PKD2: variants seen among roughly 807,000 people sequenced by gnomAD.
The protein encoded by PKD2 is polycystin-2.
In PKD2, 48 loss-of-function variants were observed where a neutral mutation model predicts 105.9. That is an observed-to-expected ratio of 0.45 (90% CI 0.36 to 0.58). PKD2 has a LOEUF of 0.58. Among genes scored for constraint, PKD2 ranks in the 20% least tolerant of loss-of-function variants. The pLI is 0.00. For synonymous variants in PKD2, 464 were observed against 481.1 expected (o/e 0.96, Z 0.46); for missense variants, 1,078 against 1,255.3 (o/e 0.86, Z 2.13).
chr4:88,070,592 A>T (rs1194672132), intron 13 of PKD2, among the ~76,000 whole-genome samples: 1 of 108,762 alleles, frequency 9.2e-6, no homozygotes, highest in Admixed American at 1.1e-4. Context: ...ATATATATAT[A>T]TATATATATA....
At chr4:88,071,642 C>G (rs996309204) in intron 13 of PKD2, among the ~76,000 whole-genome samples, 3 of 151,982 alleles carry the variant, frequency 2.0e-5, no homozygotes, top group Non-Finnish European at 2.9e-5. Context: ...CCCTTTCCTC[C>G]CCAGGACTTG....
intron 2 of PKD2, among the ~76,000 whole-genome samples, chr4:88,025,950 T>G (rs1726944830): frequency 1.3e-5 from 2 of 152,264 alleles, no homozygotes; most frequent in Admixed American, 1.3e-4. Context: ...CCCAGCCATT[T>G]GGAACTGTAA....
intron 13 of PKD2, among the ~76,000 whole-genome samples, chr4:88,073,861 AAG>A (rs775312119): frequency 4.6e-5 from 7 of 152,190 alleles, no homozygotes; most frequent in Non-Finnish European, 5.9e-5. Context: ...TATTTCACTA[AAG>A]AGAGAGTCTA....
At position 88,008,056 on chromosome 4, in the gene PKD2, G is replaced by T; in HGVS notation, c.323G>T (p.Gly108Val). ...GAGGAGGAGGTGGAAGGGGAAGAAG[G>T]CGGAATGGTGGTGGAGATGGACGTA... ...EEEEEVEGEEGGMVVEMDVEW... is the reference protein window; with the variant it reads ...EEEEEVEGEEVGMVVEMDVEW... Residue 108 changes from glycine to valine, a missense_variant, in exon 1 of 15, where the codon GGC (glycine) becomes GTC (valine). By Grantham distance (109) the Gly-to-Val change is moderately radical. Transcript: ENST00000237596. 1 of 1,521,846 alleles carries T rather than the reference G, an allele frequency of 6.6e-7. No individual in the cohort carries two copies. Among genetic ancestry groups the T allele is most frequent in the Non-Finnish European group, 8.8e-7 (1 of 1,139,722 alleles). 94.3% of individuals were successfully genotyped at this position (1,521,846 alleles called of 1,614,324 possible).
chr4:88,030,307 T>G (rs570748745), intron 2 of PKD2, among the ~76,000 whole-genome samples: 45 of 152,168 alleles, frequency 3.0e-4, no homozygotes, highest in African/African-American at 1.1e-3. Context: ...ACCCAGCTAA[T>G]TTTATTTGTT....
At chr4:88,045,692 G>A (rs1346840511) in intron 5 of PKD2, among the ~76,000 whole-genome samples, 1 of 152,102 alleles carries the variant, frequency 6.6e-6, no homozygotes, top group African/African-American at 2.4e-5. Context: ...GTCCAGTTAT[G>A]GTAAAGCAGT....
At chr4:88,057,048 G>T (rs1374393809) in intron 8 of PKD2, among the ~76,000 whole-genome samples, 2 of 151,904 alleles carry the variant, frequency 1.3e-5, no homozygotes, top group Non-Finnish European at 2.9e-5. Flanking sequence ...GGAGTGCAGT[G>T]GTGCAATCAT....
rs762904786 is a variant in PKD2 at position 88,067,977 on chromosome 4, A to T, written c.2438A>T (p.Glu813Val). 8 of 1,614,006 alleles carry T rather than the reference A, an allele frequency of 5.0e-6. No individual in the cohort carries two copies. ...TTCCCTCGAAGCCTGGATGACTCTG[A>T]GGAGGATGACGATGAAGATAGCGGA... ...RSFPRSLDDSEEDDDEDSGHS... is the reference protein window; with the variant it reads ...RSFPRSLDDSVEDDDEDSGHS... The change falls in exon 13 of 15, where the codon GAG becomes GTG. Residue 813 changes from glutamate (E) to valine (V), a missense_variant. By Grantham distance (121) the Glu-to-Val change is moderately radical (BLOSUM62 -2). Around this residue, in one of 2 missense-constraint regions of PKD2, gnomAD observed 868 missense variants for 1,067.3 expected, o/e 0.81. Coordinates refer to ENST00000237596, the MANE Select transcript of PKD2 (RefSeq NM_000297.4).
chr4:88,044,813 T>C (rs574512563), intron 5 of PKD2, among the ~76,000 whole-genome samples: 24 of 152,128 alleles, frequency 1.6e-4, no homozygotes, highest in African/African-American at 5.5e-4. Flanking sequence ...GCTCAGAAAG[T>C]TTGGGATTTT....
In PKD2 at chr4:88,074,970, A is replaced by G. The variant is rs377636225; in HGVS notation, c.2670+11A>G. 3 of 1,613,812 alleles carry G rather than the reference A, an allele frequency of 1.9e-6. No homozygotes were observed. The highest frequency in any genetic ancestry group is 2.7e-5 in the African/African-American group (2 of 74,930). On this transcript the variant is annotated intron_variant, in intron 14 of 14. Transcript: ENST00000237596. ...GATGGGGTGGCCGAGGTCAGTAGTC[A>G]TGAGCTGAAAACACCGCTGCTGAGC... is the stretch of plus-strand genomic sequence containing the variant.
In PKD2 at chr4:88,059,745, GTACATACA is replaced by G. The variant is rs35787437; in HGVS notation, c.2019+1673_2019+1680del. On this transcript the variant is annotated intron_variant, in intron 9 of 14. Coordinates refer to ENST00000237596, the MANE Select transcript of PKD2 (RefSeq NM_000297.4). ...TATAGGTGGATAGATACATACATAC[GTACATACA>G]TACATACATACATACATACATACAT... 1.8e-3 allele frequency among the ~76,000 whole-genome samples: 263 copies of G among 150,224 alleles called. 2 individuals are homozygous for G. The East Asian group carries it at 0.024, about 13-fold the overall frequency.
chr4:88,056,425 C>G (rs185695553), intron 8 of PKD2, among the ~76,000 whole-genome samples, 158 bp downstream of exon 8: 100 of 152,268 alleles, frequency 6.6e-4, no homozygotes, highest in Middle Eastern at 3.4e-3. Context: ...TTGATCTACC[C>G]ATGCAAAGAA....
chr4:88,028,145 A>G (rs920272654), intron 2 of PKD2, among the ~76,000 whole-genome samples: 1 of 152,238 alleles, frequency 6.6e-6, no homozygotes, highest in Non-Finnish European at 1.5e-5. Context: ...AGATCTATGT[A>G]TTTCCATTTG....
rs1402044417 is a variant in PKD2, at chr4:88,067,955, C to T, written c.2416C>T (p.Pro806Ser). 6.2e-7 allele frequency: 1 copy of T among 1,614,020 alleles called. No homozygotes were observed. Among genetic ancestry groups the T allele is most frequent in the Non-Finnish European group, 8.5e-7 (1 of 1,179,938 alleles). The change falls in exon 13 of 15, where the codon CCT becomes TCT. Residue 806 changes from proline to serine, a missense_variant. Around this residue, in one of 2 missense-constraint regions of PKD2, gnomAD observed 868 missense variants for 1,067.3 expected, o/e 0.81. Transcript: ENST00000237596. ...ACGTCCCATGAGCAGCCGAAGTTTC[C>T]CTCGAAGCCTGGATGACTCTGAGGA... The part of the protein sequence containing the change: ...LPRPMSSRSF[P>S]RSLDDSEEDD...
chr4:88,019,547 CT>C lies in PKD2; in HGVS notation c.690del (p.Leu231SerfsTer2). ...TTTACGGGAACTGGTCACATACCTC[CT>C]TTTTCTCATAGTCTTGTGCATCTGT... ...SVLRELVTYL[L>X]FLIVLCILTY... On this transcript the variant is annotated frameshift_variant, in exon 2 of 15. Transcript: ENST00000237596. LOFTEE classifies it high-confidence loss of function. The C allele has an allele frequency of 2.5e-6, 4 of 1,578,024 alleles. No individual in the cohort carries two copies. The highest frequency in any genetic ancestry group is 3.5e-6 in the Non-Finnish European group (4 of 1,147,158).
In PKD2 at chr4:88,057,973, A is replaced by T. The variant is rs780371586; in HGVS notation, c.1899-10A>T. ...TTTTTGTATTGTGGTGTTTTGTTTT[A>T]TTTTTATAGCTTCACTCAATTCCGT... On this transcript the variant is annotated splice_polypyrimidine_tract_variant and intron_variant, in intron 8 of 14. Transcript: ENST00000237596. The T allele has an allele frequency of 1.3e-6, 2 of 1,588,702 alleles. No homozygotes were observed. The highest frequency in any genetic ancestry group is 1.7e-6 in the Non-Finnish European group (2 of 1,156,894).
intron 8 of PKD2, among the ~76,000 whole-genome samples, chr4:88,057,735 G>C (rs1263496285): frequency 6.6e-6 from 1 of 152,112 alleles, no homozygotes; most frequent in Non-Finnish European, 1.5e-5. Context: ...TGCCCAGCTT[G>C]TGTTTTCTTT....
At chr4:88,037,740 A>G (rs552355825) in intron 3 of PKD2, among the ~76,000 whole-genome samples, 6 of 152,336 alleles carry the variant, frequency 3.9e-5, no homozygotes, top group South Asian at 4.1e-4. Context: ...TACACATTCC[A>G]TGATGATAAA....
chr4:88,070,746 C>T (rs553977144), intron 13 of PKD2, among the ~76,000 whole-genome samples: 1 of 151,452 alleles, frequency 6.6e-6, no homozygotes. Flanking sequence ...ATCCTCCTGC[C>T]TCAACCTCCC....
Sources: allele counts gnomAD v4.1 joint callset (sites outside exome capture counted in the v4.1 genomes callset), GRCh38; gene constraint gnomAD v4.1.1; regional missense constraint gnomAD v4.1.1; transcripts MANE v1.5; gene names NCBI Gene and HGNC (gene_info 2026-07-23, HGNC 2026-07-21).